Variants in ANK2 observed in about 807,000 individuals in gnomAD.
ANK2 encodes the protein ankyrin 2.
Under a neutral mutation model 360.5 loss-of-function variants are expected in ANK2, and 83 were observed. That is an observed-to-expected ratio of 0.23 (90% confidence interval 0.19 to 0.28). ANK2 has a LOEUF of 0.28. Among genes scored for constraint, ANK2 ranks in the 10% least tolerant of loss-of-function variants. The pLI is 1.00. For missense variants in ANK2, 4,201 were observed against 4,795.7 expected (o/e 0.88, Z 3.66); for synonymous variants, 1,740 against 1,759.5 (o/e 0.99, Z 0.28).
intron 1 of ANK2, among the ~76,000 whole-genome samples, chr4:113,158,401 T>G (rs981971987): frequency 6.6e-6 from 1 of 152,204 alleles, no homozygotes; most frequent in African/African-American, 2.4e-5. Flanking sequence ...ATCTTTGTCA[T>G]GACTACATTA....
intron 10 of ANK2, among the ~76,000 whole-genome samples, chr4:113,254,547 G>C (rs977661597): frequency 7.2e-5 from 11 of 152,222 alleles, no homozygotes; most frequent in African/African-American, 2.6e-4. Flanking sequence ...TCCCCTCAAT[G>C]CATAAATACT....
chr4:112,883,376 G>T (rs2077343121), intron 1 of ANK2, among the ~76,000 whole-genome samples: 1 of 151,938 alleles, frequency 6.6e-6, no homozygotes, highest in South Asian at 2.1e-4. Context: ...GGAGTTGCAT[G>T]TACAGATAGG....
chr4:112,731,590 T>G, the ANK2 span, among the ~76,000 whole-genome samples: 7 of 151,502 alleles, frequency 4.6e-5, no homozygotes, highest in East Asian at 1.4e-3. Flanking sequence ...AATTGTGGGG[T>G]GTGTGTGCAC....
chr4:113,345,777 A>T, intron 34 of ANK2, 123 bp from the exon 35 acceptor site: 12 of 1,316,784 alleles, frequency 9.1e-6, no homozygotes, highest in Non-Finnish European at 1.3e-5. Context: ...GAGAAAGGAA[A>T]TCCTTTGAGT....
At chr4:113,218,491 A>G (rs2099112830) in intron 4 of ANK2, among the ~76,000 whole-genome samples, 3 of 152,148 alleles carry the variant, frequency 2.0e-5, no homozygotes, top group African/African-American at 7.2e-5. Flanking sequence ...GAAGAAAGCA[A>G]TAACTTCATT....
At chr4:112,804,061 C>T in the ANK2 span, among the ~76,000 whole-genome samples, 7 of 151,368 alleles carry the variant, frequency 4.6e-5, no homozygotes, top group East Asian at 1.4e-3. Flanking sequence ...CTCTGTCACC[C>T]AGGCTGGAGG....
rs1239213547 is a variant in ANK2, at chr4:113,357,219, C to T, written c.8601C>T (p.Ala2867=). Residue 2867 remains alanine, a synonymous_variant, in exon 38 of 46, where the codon GCC becomes GCT. Coordinates refer to ENST00000357077, the MANE Select transcript of ANK2 (RefSeq NM_001148.6). ...EGKELDEDIS[A]TSSIQKTEVT... ...AAGAATTAGATGAAGACATATCTGCCACATCTTCTATTCAAAAAACAGAGG... is the reference window on the plus strand; with the variant it reads ...AAGAATTAGATGAAGACATATCTGCTACATCTTCTATTCAAAAAACAGAGG... 3.1e-6 allele frequency: 5 copies of T among 1,614,000 alleles called. No individual in the cohort carries two copies. The highest frequency in any genetic ancestry group is 4.2e-6 in the Non-Finnish European group (5 of 1,179,970).
At chr4:113,318,700 T>A in intron 26 of ANK2, 80 bp downstream of exon 26, 6 of 1,209,336 alleles carry the variant, frequency 5.0e-6, no homozygotes, top group Non-Finnish European at 7.2e-6. Context: ...TCCAGTAGCT[T>A]TAGCTGGTGG....
chr4:113,262,656 C>A lies in ANK2; in HGVS notation c.1387-2241C>A, dbSNP rs1030474961. On this transcript the variant is annotated intron_variant, in intron 13 of 45. Coordinates refer to ENST00000357077, the MANE Select transcript of ANK2 (RefSeq NM_001148.6). ...TTGAAAAAATAAAAATAAAAAACTA[C>A]AATAAAAATAACAAAAAATTTTAAA... Among the ~76,000 whole-genome samples, 4 of 151,936 alleles carry A rather than the reference C, an allele frequency of 2.6e-5. 1 individual carries two copies. The South Asian group carries it at 8.3e-4, about 32-fold the overall frequency.
At chr4:112,845,032 C>T (rs1431968584) in intron 1 of ANK2, among the ~76,000 whole-genome samples, 1 of 151,826 alleles carries the variant, frequency 6.6e-6, no homozygotes, top group Admixed American at 6.6e-5. Flanking sequence ...ATGATAGTAT[C>T]CCCACTGTGA....
chr4:112,758,206 G>T, the ANK2 span, among the ~76,000 whole-genome samples: 1 of 151,802 alleles, frequency 6.6e-6, no homozygotes, highest in Non-Finnish European at 1.5e-5. Context: ...GGCCAAGATG[G>T]ATTTTTTTTT....
At chr4:112,850,285 T>TATC (rs1166230103) in intron 1 of ANK2, among the ~76,000 whole-genome samples, 2 of 136,576 alleles carry the variant, frequency 1.5e-5, no homozygotes, top group African/African-American at 3.0e-5. Context: ...TCTATCTATC[T>TATC]ATCTATCTAT....
At chr4:113,236,448 A>G (rs114486966) in intron 5 of ANK2, among the ~76,000 whole-genome samples, 116 of 152,388 alleles carry the variant, frequency 7.6e-4, no homozygotes, top group African/African-American at 2.6e-3. Flanking sequence ...CTAATTTGCC[A>G]GAGTTTTAGA....
rs371021069 is a variant in ANK2 at position 113,053,247 on chromosome 4, A to G, written c.84+3435A>G. Among the ~76,000 whole-genome samples, 34 of 152,314 alleles carry G rather than the reference A, an allele frequency of 2.2e-4. No individual in the cohort carries two copies. The East Asian group carries it at 3.5e-3, about 16-fold the overall frequency. On this transcript the variant is annotated intron_variant, in intron 1 of 45. Transcript: ENST00000357077. ...CTTTCTCATTCTCCAGCTTGAACAC[A>G]AAGATACCTTTGGAGAGAGAGAGAA...
At chr4:113,114,289 G>T (rs1202352752) in intron 1 of ANK2, among the ~76,000 whole-genome samples, 1 of 152,118 alleles carries the variant, frequency 6.6e-6, no homozygotes. Context: ...TTGGCTTCTA[G>T]TGTCCTCATC....
rs188710359 is a variant in ANK2 at position 113,065,795 on chromosome 4, T to C, written c.84+15983T>C. 1.9e-3 allele frequency among the ~76,000 whole-genome samples: 284 copies of C among 152,348 alleles called. 1 individual carries two copies. The highest frequency in any genetic ancestry group is 6.4e-3 in the African/African-American group (266 of 41,580). ...AACATCAAGTGGGGTACTGAGCTTCTATCTACAACGTTATTACACAAAAGC... is the reference window on the plus strand; with the variant it reads ...AACATCAAGTGGGGTACTGAGCTTCCATCTACAACGTTATTACACAAAAGC... On this transcript the variant is annotated intron_variant, in intron 1 of 45. Transcript: ENST00000357077.
At chr4:112,937,166 G>A (rs1384924062) in intron 2 of ANK2, among the ~76,000 whole-genome samples, 1 of 152,092 alleles carries the variant, frequency 6.6e-6, no homozygotes, top group East Asian at 1.9e-4. Flanking sequence ...AAGCTTACAA[G>A]TATCCTAGCA....
chr4:113,300,811 C>A (rs1399997369), intron 22 of ANK2, among the ~76,000 whole-genome samples: 1 of 152,190 alleles, frequency 6.6e-6, no homozygotes, highest in Non-Finnish European at 1.5e-5. Flanking sequence ...TGCTACCTCT[C>A]GCTCTTTACT....
At chr4:112,767,569 TAAA>T in the ANK2 span, among the ~76,000 whole-genome samples, 1 of 139,380 alleles carries the variant, frequency 7.2e-6, no homozygotes, top group East Asian at 2.2e-4. Flanking sequence ...CCTGTCTCAA[TAAA>T]TAAATAAATA....
Sources: gnomAD v4.1 joint callset for allele counts (sites outside exome capture counted in the v4.1 genomes callset) on GRCh38, gnomAD v4.1.1 for gene constraint, MANE v1.5 for transcripts, NCBI Gene and HGNC (gene_info 2026-07-23, HGNC 2026-07-21) for gene names.